The following GRIK2 variants were observed in gnomAD, a reference collection of about 807,000 sequenced individuals.
The protein encoded by GRIK2 is glutamate receptor ionotropic, kainate 2.
A neutral mutation model predicts 100.3 loss-of-function variants in GRIK2; 32 were observed. The observed-to-expected ratio is 0.32, with a 90% CI of 0.24 to 0.43. GRIK2 has a LOEUF of 0.43. Ranked by LOEUF, GRIK2 falls within the 20% of genes least tolerant of loss-of-function variation. The probability of loss-of-function intolerance (pLI) is 1.00; values close to 1 mark genes in which losing one functional copy is unlikely to be tolerated. For synonymous variants in GRIK2, 417 were observed against 389.4 expected, an observed-to-expected ratio of 1.07 and a Z score of -0.83; for missense variants, 843 against 1,114.9, an observed-to-expected ratio of 0.76 and a Z score of 3.47.
At chr6:101,473,616 C>A (rs1050605989) in intron 2 of GRIK2, among the ~76,000 whole-genome samples, 1 of 151,768 alleles carries the variant, frequency 6.6e-6, no homozygotes, top group African/African-American at 2.4e-5. Flanking sequence ...TATTATTTTT[C>A]CCACTTCTGA....
chr6:101,975,447 G>C (rs1357940231), intron 14 of GRIK2, among the ~76,000 whole-genome samples: 3 of 151,930 alleles, frequency 2.0e-5, no homozygotes, highest in Non-Finnish European at 4.4e-5. Context: ...TGTGATATCA[G>C]GGAAACCAAG....
intron 2 of GRIK2, among the ~76,000 whole-genome samples, chr6:101,526,831 G>A (rs1488797415): frequency 6.6e-6 from 1 of 152,126 alleles, no homozygotes; most frequent in Non-Finnish European, 1.5e-5. Context: ...ATACTCTCCC[G>A]GGGTTCGGAG....
intron 2 of GRIK2, among the ~76,000 whole-genome samples, chr6:101,497,248 C>T (rs887554707): frequency 2.9e-4 from 44 of 152,258 alleles, no homozygotes; most frequent in African/African-American, 1.0e-3. Context: ...CTGTACTCAC[C>T]CTTCCATTTG....
intron 14 of GRIK2, among the ~76,000 whole-genome samples, chr6:101,944,389 A>C (rs1245921984): frequency 6.6e-6 from 1 of 152,170 alleles, no homozygotes; most frequent in East Asian, 1.9e-4. Context: ...TCATAGACAC[A>C]GTTGTTAATA....
intron 2 of GRIK2, among the ~76,000 whole-genome samples, chr6:101,464,541 A>C (rs1771529413): frequency 1.1e-5 from 1 of 93,252 alleles, no homozygotes. Flanking sequence ...TTTTTGAGAC[A>C]GAGTCTCACT....
At position 101,548,431 on chromosome 6, in the gene GRIK2, T is replaced by G. The variant is rs1475451842; in HGVS notation, c.116-73518T>G. ...CCTGAATGGTAATGCCTAGGTTTTC[T>G]TCTAGAGTTTTTATGGTTTTAGGTC... On this transcript the variant is annotated intron_variant, in intron 2 of 16. Coordinates refer to ENST00000369134, the MANE Select transcript of GRIK2 (RefSeq NM_021956.5). Among the ~76,000 whole-genome samples the G allele has an allele frequency of 5.9e-5, 9 of 152,314 alleles. No individual in the cohort carries two copies. The South Asian group carries it at 1.7e-3, about 28-fold the overall frequency.
chr6:101,848,988 A>G (rs1020723462), intron 10 of GRIK2, among the ~76,000 whole-genome samples: 2 of 152,070 alleles, frequency 1.3e-5, no homozygotes, highest in Non-Finnish European at 2.9e-5. Context: ...CCATAATAAA[A>G]GTAAACCTAT....
chr6:101,550,102 A>G (rs1032764298), intron 2 of GRIK2, among the ~76,000 whole-genome samples: 1 of 152,204 alleles, frequency 6.6e-6, no homozygotes, highest in Non-Finnish European at 1.5e-5. Flanking sequence ...GATGCACAAA[A>G]TTATAACTTG....
chr6:101,621,869 A>C (rs1279510524), intron 2 of GRIK2, 80 bp from the exon 3 acceptor site: 1 of 965,882 alleles, frequency 1.0e-6, no homozygotes, highest in African/African-American at 1.6e-5. Flanking sequence ...AAGTACAGAA[A>C]ACTTCTGATA....
intron 14 of GRIK2, chr6:101,993,187 A>G (rs185367781): frequency 2.0e-5 from 3 of 151,418 alleles, no homozygotes; most frequent in African/African-American, 7.2e-5. Flanking sequence ...AGAAGAAGAA[A>G]AAAAAAGAAT....
intron 2 of GRIK2, among the ~76,000 whole-genome samples, chr6:101,512,617 T>C (rs1774376500): frequency 6.6e-6 from 1 of 152,134 alleles, no homozygotes; most frequent in Non-Finnish European, 1.5e-5. Context: ...AATATGTCAA[T>C]AATTAAAATA....
chr6:101,831,589 GAAAT>G (rs1193013553), intron 10 of GRIK2, among the ~76,000 whole-genome samples: 1 of 151,984 alleles, frequency 6.6e-6, no homozygotes, highest in Non-Finnish European at 1.5e-5. Context: ...TACTGAAAAA[GAAAT>G]AAAATAATAC....
chr6:101,420,849 C>T (rs543169653), intron 2 of GRIK2, among the ~76,000 whole-genome samples: 1 of 152,048 alleles, frequency 6.6e-6, no homozygotes, highest in African/African-American at 2.4e-5. Flanking sequence ...TAGGTCTCTA[C>T]CAAAAGAATG....
intron 2 of GRIK2, among the ~76,000 whole-genome samples, chr6:101,525,475 A>G (rs866659061): frequency 3.3e-5 from 5 of 152,182 alleles, no homozygotes; most frequent in East Asian, 1.9e-4. Flanking sequence ...ATTGAGTCCT[A>G]TGATATCAGA....
chr6:101,565,399 C>T (rs1446199699), intron 2 of GRIK2, among the ~76,000 whole-genome samples: 1 of 151,978 alleles, frequency 6.6e-6, no homozygotes, highest in African/African-American at 2.4e-5. Flanking sequence ...TTTTTAAATT[C>T]TCTAATTTTT....
At chr6:101,677,084 T>C (rs1018404779) in intron 5 of GRIK2, among the ~76,000 whole-genome samples, 2 of 152,130 alleles carry the variant, frequency 1.3e-5, no homozygotes, top group Non-Finnish European at 2.9e-5. Context: ...GAGATAGTTA[T>C]TTCTTTTTGT....
At position 101,998,527 on chromosome 6, in the gene GRIK2, T is replaced by C. The variant is rs73763626; in HGVS notation, c.2086-36814T>C. Among the ~76,000 whole-genome samples, 1,277 of 152,194 alleles carry C rather than the reference T, an allele frequency of 8.4e-3. 20 individuals are homozygous for C. Among genetic ancestry groups the C allele is most frequent in the African/African-American group, 0.03 (1,235 of 41,554 alleles). On this transcript the variant is annotated intron_variant, in intron 14 of 16. Coordinates refer to ENST00000369134, the MANE Select transcript of GRIK2 (RefSeq NM_021956.5). ...TGTTTCGGATTGTGTTTTTGTTGTCTTATTTAGGAAATATTTGCCATATTC... is the reference window on the plus strand; with the variant it reads ...TGTTTCGGATTGTGTTTTTGTTGTCCTATTTAGGAAATATTTGCCATATTC...
At chr6:101,914,993 G>A (rs1041476553) in intron 12 of GRIK2, among the ~76,000 whole-genome samples, 7 of 151,246 alleles carry the variant, frequency 4.6e-5, no homozygotes, top group Admixed American at 1.3e-4. Context: ...TATAGAAAAC[G>A]CATTATAGCC....
In GRIK2 at chr6:101,648,783, T is replaced by A. The variant is rs1781649305; in HGVS notation, c.541+22146T>A. 3.9e-5 allele frequency among the ~76,000 whole-genome samples: 6 copies of A among 152,096 alleles called. No homozygotes were observed. In the South Asian group the frequency reaches 1.2e-3, roughly 32 times the overall value. ...TATATGTATTAGTCTGTTCTCATAC[T>A]GCTAATAAAAAGATACCTGAGATTG... On this transcript the variant is annotated intron_variant, in intron 4 of 16. Coordinates refer to ENST00000369134, the MANE Select transcript of GRIK2 (RefSeq NM_021956.5).
Sources: gnomAD v4.1 joint callset for allele counts (sites outside exome capture counted in the v4.1 genomes callset) on GRCh38, gnomAD v4.1.1 for gene constraint, MANE v1.5 for transcripts, NCBI Gene and HGNC (gene_info 2026-07-23, HGNC 2026-07-21) for gene names.